CLEC9A: variants seen among roughly 807,000 people sequenced by gnomAD.
CLEC9A encodes C-type lectin domain family 9 member A.
Under a neutral mutation model 30.0 loss-of-function variants are expected in CLEC9A, and 24 were observed. The ratio of observed to expected loss-of-function variants is 0.80; its 90% confidence interval spans 0.58 to 1.13. The LOEUF (loss-of-function observed/expected upper bound fraction) is 1.13. Among genes scored for constraint, CLEC9A ranks in the 50% most tolerant of loss-of-function variants. The probability of loss-of-function intolerance (pLI) is 0.00; values close to 1 mark genes in which losing one functional copy is unlikely to be tolerated. For synonymous variants in CLEC9A, 111 were observed against 96.8 expected (o/e 1.15, Z -0.86); for missense variants, 251 against 280.9 (o/e 0.89, Z 0.76).
chr12:10,056,317 T>C (rs1444333166), intron 5 of CLEC9A, among the ~76,000 whole-genome samples: 1 of 152,088 alleles, frequency 6.6e-6, no homozygotes, highest in South Asian at 2.1e-4. Flanking sequence ...ACCCACCACA[T>C]TGATAAGAGA....
At chr12:10,063,639 A>G (rs1866016305) in intron 7 of CLEC9A, among the ~76,000 whole-genome samples, 4 of 152,384 alleles carry the variant, frequency 2.6e-5, no homozygotes, top group South Asian at 2.1e-4. Flanking sequence ...AAGTGGTGCC[A>G]TGAAATAAAT....
chr12:10,044,012 T>G (rs1343641844), intron 2 of CLEC9A, among the ~76,000 whole-genome samples: 1 of 152,192 alleles, frequency 6.6e-6, no homozygotes, highest in African/African-American at 2.4e-5. Flanking sequence ...AATTTCATCC[T>G]TATTTTGTTA....
chr12:10,058,586 G>A (rs777645218), intron 5 of CLEC9A, among the ~76,000 whole-genome samples: 94 of 152,218 alleles, frequency 6.2e-4, no homozygotes, highest in Middle Eastern at 3.4e-3. Flanking sequence ...GCCGGAGTGC[G>A]GAGTGCAGAG....
At position 10,065,832 on chromosome 12, in the gene CLEC9A, A is replaced by G. The variant is rs1866041382; in HGVS notation, c.*200A>G. 4.3e-5 allele frequency: 22 copies of G among 514,948 alleles called. No homozygotes were observed. The highest frequency in any genetic ancestry group is 7.5e-5 in the Non-Finnish European group (22 of 295,274). 31.9% of individuals were successfully genotyped at this position (514,948 alleles called of 1,614,324 possible). On this transcript the variant is annotated 3_prime_UTR_variant, in exon 9 of 9. Transcript: ENST00000355819. Reference sequence around the variant, plus strand: ...CATTTGATGTTGTTCACATTGCAAGAGTAAAACTTATTTAGAGCTACAGAA... The same window carrying G: ...CATTTGATGTTGTTCACATTGCAAGGGTAAAACTTATTTAGAGCTACAGAA...
chr12:10,037,604 G>A (rs1865754472), intron 1 of CLEC9A, among the ~76,000 whole-genome samples: 1 of 152,162 alleles, frequency 6.6e-6, no homozygotes, highest in South Asian at 2.1e-4. Flanking sequence ...TGGGACATGG[G>A]AGGAAACTGG....
At chr12:10,047,971 GC>G (rs771906997) in intron 2 of CLEC9A, among the ~76,000 whole-genome samples, 1 of 152,026 alleles carries the variant, frequency 6.6e-6, no homozygotes, top group Non-Finnish European at 1.5e-5. Context: ...GGTGGCTCAC[GC>G]CCTGTAATCC....
intron 1 of CLEC9A, among the ~76,000 whole-genome samples, chr12:10,040,532 G>A (rs1437837763): frequency 6.6e-6 from 1 of 150,642 alleles, no homozygotes; most frequent in African/African-American, 2.4e-5. Context: ...CTCACTGTAA[G>A]TTCCGCCTCC....
At chr12:10,038,199 C>T (rs893255505) in intron 1 of CLEC9A, among the ~76,000 whole-genome samples, 9 of 152,162 alleles carry the variant, frequency 5.9e-5, no homozygotes, top group African/African-American at 2.2e-4. Context: ...TGGAAATGAG[C>T]TTTTATTATT....
At chr12:10,034,676 T>A (rs1413282898) in intron 1 of CLEC9A, among the ~76,000 whole-genome samples, 1 of 152,184 alleles carries the variant, frequency 6.6e-6, no homozygotes, top group Non-Finnish European at 1.5e-5. Context: ...CTTGTCCCCC[T>A]AGCAGAGTGT....
At chr12:10,048,088 CCGGGCGCGGTGG>C (rs575059193) in intron 2 of CLEC9A, among the ~76,000 whole-genome samples, 6,175 of 141,266 alleles carry the variant, frequency 0.044, 251 homozygotes, top group Non-Finnish European at 0.064. Flanking sequence ...AAAAAATTAG[CCGGGCGCGGTGG>C]CGGGCGCCTG....
intron 2 of CLEC9A, 32 bp downstream of exon 2, chr12:10,041,652 G>T: frequency 1.9e-6 from 1 of 526,032 alleles, no homozygotes; most frequent in Non-Finnish European, 3.8e-6. Flanking sequence ...ATATTTTGGA[G>T]GCAAGGGAGA....
At chr12:10,046,224 C>T (rs1865844589) in intron 2 of CLEC9A, among the ~76,000 whole-genome samples, 1 of 152,106 alleles carries the variant, frequency 6.6e-6, no homozygotes, top group Non-Finnish European at 1.5e-5. Flanking sequence ...TTAATTATAC[C>T]AGAAACTTTA....
chr12:10,047,537 G>T (rs1248590735), intron 2 of CLEC9A, among the ~76,000 whole-genome samples: 1 of 152,072 alleles, frequency 6.6e-6, no homozygotes, highest in African/African-American at 2.4e-5. Flanking sequence ...TATTATCTAA[G>T]TGAACTTAGC....
intron 1 of CLEC9A, among the ~76,000 whole-genome samples, chr12:10,040,570 C>T (rs980503928): frequency 1.3e-5 from 2 of 151,872 alleles, no homozygotes; most frequent in African/African-American, 4.8e-5. Flanking sequence ...CCTGCCTCAG[C>T]CTCCCGAGTA....
At chr12:10,037,263 C>T (rs571299512) in intron 1 of CLEC9A, among the ~76,000 whole-genome samples, 1 of 152,256 alleles carries the variant, frequency 6.6e-6, no homozygotes, top group South Asian at 2.1e-4. Flanking sequence ...TTCAACAATA[C>T]ACAATCAGGA....
chr12:10,056,562 T>C (rs1294774278), intron 5 of CLEC9A, among the ~76,000 whole-genome samples: 1 of 152,180 alleles, frequency 6.6e-6, no homozygotes, highest in African/African-American at 2.4e-5. Flanking sequence ...GTATATGCTA[T>C]GTTACAATTT....
At chr12:10,060,286 A>G (rs1299646292) in intron 5 of CLEC9A, among the ~76,000 whole-genome samples, 1 of 152,218 alleles carries the variant, frequency 6.6e-6, no homozygotes. Context: ...GTAATGACTA[A>G]AACCTGAAAA....
intron 1 of CLEC9A, among the ~76,000 whole-genome samples, chr12:10,035,358 G>A (rs1051621046): frequency 1.3e-5 from 2 of 152,176 alleles, no homozygotes; most frequent in African/African-American, 4.8e-5. Flanking sequence ...GCCCTCGCCA[G>A]GGATCCGCCT....
At chr12:10,045,408 A>G (rs1865837831) in intron 2 of CLEC9A, 1 of 157,348 alleles carries the variant, frequency 6.4e-6, no homozygotes, top group Non-Finnish European at 1.4e-5. Flanking sequence ...TGTGCATCAA[A>G]ATACTATACA....
Sources: allele counts gnomAD v4.1 joint callset (sites outside exome capture counted in the v4.1 genomes callset), GRCh38; gene constraint gnomAD v4.1.1; transcripts MANE v1.5; gene names NCBI Gene and HGNC (gene_info 2026-07-23, HGNC 2026-07-21).